The following NDUFB2 variants were observed in gnomAD, a reference collection of about 807,000 sequenced individuals.
NDUFB2 encodes the protein NADH dehydrogenase [ubiquinone] 1 beta subcomplex subunit 2, mitochondrial.
A neutral mutation model predicts 13.4 loss-of-function variants in NDUFB2; 13 were observed. The ratio of observed to expected loss-of-function variants is 0.97; its 90% CI spans 0.63 to 1.54. The LOEUF (loss-of-function observed/expected upper bound fraction) is 1.54. NDUFB2 is among the 40% of genes most tolerant of loss of function. The pLI is 0.00. For synonymous variants in NDUFB2, 47 were observed against 50.6 expected (o/e 0.93, Z 0.30); for missense variants, 150 against 139.7 (o/e 1.07, Z -0.37).
At chr7:140,706,028 AGTT>A (rs1563216316) in intron 3 of NDUFB2, 1 of 130,808 alleles carries the variant, frequency 7.6e-6, no homozygotes, top group African/African-American at 4.1e-5. Flanking sequence ...ATTTTATTTT[AGTT>A]TGTTATGTTA....
intron 1 of NDUFB2, chr7:140,702,033 T>C (rs1321782884): frequency 2.8e-6 from 2 of 702,318 alleles, no homozygotes; most frequent in Admixed American, 2.0e-5. Flanking sequence ...AGACAAGATA[T>C]TTTAATGCAC....
rs1408276792 is a variant in NDUFB2, at chr7:140,698,223, C to T, written c.98+1381C>T. 3 of 1,351,778 alleles carry T rather than the reference C, an allele frequency of 2.2e-6. No individual in the cohort carries two copies. The African/African-American group carries it at 4.4e-5, about 20-fold the overall frequency. The allele number at this position is 1,351,778 out of a possible 1,614,324, so 83.7% of individuals were successfully genotyped here. A position where few individuals can be genotyped will look rare whatever the true frequency, so the allele number is the denominator to read the frequency against. ...GTGATGGAGAGCCATGAGCGACAGCCCTTGGTCCTGCATGAGGAGATGGGG... is the reference window on the plus strand; with the variant it reads ...GTGATGGAGAGCCATGAGCGACAGCTCTTGGTCCTGCATGAGGAGATGGGG... On this transcript the variant is annotated intron_variant, in intron 1 of 3. Transcript: ENST00000247866.
At chr7:140,697,982 G>C in intron 1 of NDUFB2, 1 of 1,286,916 alleles carries the variant, frequency 7.8e-7, no homozygotes, top group Non-Finnish European at 1.0e-6. Flanking sequence ...ATACAGGCGA[G>C]CCACTGCGCT....
At chr7:140,697,009 C>T (rs915109020) in intron 1 of NDUFB2, 167 bp downstream of exon 1, 1 of 650,532 alleles carries the variant, frequency 1.5e-6, no homozygotes, top group Non-Finnish European at 2.7e-6. Context: ...AGAGGGACCC[C>T]GCTGGCCGGA....
chr7:140,698,032 C>T, intron 1 of NDUFB2: 1 of 1,292,508 alleles, frequency 7.7e-7, no homozygotes, highest in African/African-American at 1.5e-5. Context: ...CTGGTGCCTG[C>T]TAAGGACCGT....
At chr7:140,697,750 A>G (rs1431634999) in intron 1 of NDUFB2, among the ~76,000 whole-genome samples, 1 of 152,116 alleles carries the variant, frequency 6.6e-6, no homozygotes, top group Non-Finnish European at 1.5e-5. Flanking sequence ...ACCTTGGAAA[A>G]GTTTCTTATT....
rs1321671360 is a variant in NDUFB2 at position 140,696,729 on chromosome 7, G to C, written c.-16G>C. The stretch of plus-strand genomic sequence containing the variant: ...GGGCGAGGCGGCTGGGGACCGCGGG[G>C]CGGACGGGAGCGAGTATGTCCGCTC... On this transcript the variant is annotated 5_prime_UTR_variant, in exon 1 of 4. Transcript: ENST00000247866. 1.9e-6 allele frequency: 3 copies of C among 1,572,924 alleles called. No individual in the cohort carries two copies. The highest frequency in any genetic ancestry group is 2.4e-5 in the East Asian group (1 of 42,216).
At chr7:140,696,864 G>A in intron 1 of NDUFB2, 22 bp downstream of exon 1, 3 of 1,584,348 alleles carry the variant, frequency 1.9e-6, no homozygotes, top group Non-Finnish European at 2.6e-6. Flanking sequence ...GCTGGGGATG[G>A]GGGCCTCGCC....
chr7:140,697,478 C>A (rs1225592987), intron 1 of NDUFB2: 3 of 693,750 alleles, frequency 4.3e-6, no homozygotes, highest in Non-Finnish European at 7.9e-6. Context: ...CGAGGTGGCC[C>A]GAGACGCAGA....
At chr7:140,698,365 A>G in intron 1 of NDUFB2, 7 of 1,300,798 alleles carry the variant, frequency 5.4e-6, no homozygotes, top group Non-Finnish European at 7.1e-6. Flanking sequence ...GCTCCTTTCT[A>G]GGTGCTGAGG....
chr7:140,697,729 C>G (rs1296830847), intron 1 of NDUFB2, among the ~76,000 whole-genome samples: 1 of 152,198 alleles, frequency 6.6e-6, no homozygotes, highest in Non-Finnish European at 1.5e-5. Flanking sequence ...CTGCCACACT[C>G]CAGCTGTGGG....
chr7:140,705,265 A>G (rs1398127260), intron 3 of NDUFB2: 2 of 177,456 alleles, frequency 1.1e-5, no homozygotes, highest in Non-Finnish European at 2.3e-5. Flanking sequence ...ACACTTGGCT[A>G]ATTTTTGTAT....
Position 140,701,867 on chromosome 7 carries a change from C to G in NDUFB2, c.99-999C>G, listed in dbSNP as rs997768826. ...AGGAGGATCGCTTGAACCCAGGAGG[C>G]GGAGGTTGCAGTGAGCCAAGATTGT... On this transcript the variant is annotated intron_variant, in intron 1 of 3. Transcript: ENST00000247866. The G allele has an allele frequency of 1.7e-5, 8 of 472,322 alleles. 1 individual carries two copies. Among genetic ancestry groups the G allele is most frequent in the Admixed American group, 1.1e-4 (3 of 27,148 alleles). 29.3% of individuals were successfully genotyped at this position (472,322 alleles called of 1,614,324 possible).
chr7:140,702,845 C>T (rs757917891), intron 1 of NDUFB2, 21 bp from the exon 2 acceptor site: 14 of 1,613,054 alleles, frequency 8.7e-6, no homozygotes, highest in Non-Finnish European at 1.2e-5. Flanking sequence ...ACGCTGTCTG[C>T]CATGTTGTTT....
At chr7:140,704,811 A>G in intron 2 of NDUFB2, 49 bp from the exon 3 acceptor site, 2 of 1,293,334 alleles carry the variant, frequency 1.5e-6, no homozygotes, top group South Asian at 2.8e-5. Flanking sequence ...AATTAGTTGC[A>G]CAGAATGTAA....
At chr7:140,698,334 T>C in intron 1 of NDUFB2, 2 of 1,347,998 alleles carry the variant, frequency 1.5e-6, no homozygotes, top group Non-Finnish European at 2.0e-6. Context: ...TAAATGTTTA[T>C]GGAGCATCTT....
chr7:140,701,779 A>C (rs770000782), intron 1 of NDUFB2: 67 of 308,356 alleles, frequency 2.2e-4, no homozygotes, highest in African/African-American at 2.6e-4. Context: ...CTAAAAAAAA[A>C]ACAAAAATTA....
At chr7:140,702,146 C>G in intron 1 of NDUFB2, 1 of 650,104 alleles carries the variant, frequency 1.5e-6, no homozygotes, top group Non-Finnish European at 2.8e-6. Context: ...TATAGGAATT[C>G]TCTTAAAAAT....
Position 140,696,843 on chromosome 7 carries a change from G to C in NDUFB2, c.98+1G>C. 6.2e-7 allele frequency: 1 copy of C among 1,602,212 alleles called. No individual in the cohort carries two copies. On this transcript the variant is annotated splice_donor_variant, in intron 1 of 3. Transcript: ENST00000247866. LOFTEE classifies it high-confidence loss of function. ...CTGCTGGAGATGGTGGAGTCCGTCA[G>C]TGAGTGTGGGGCTGGGGATGGGGGC...
Sources: gnomAD v4.1 joint callset for allele counts (sites outside exome capture counted in the v4.1 genomes callset) on GRCh38, gnomAD v4.1.1 for gene constraint, MANE v1.5 for transcripts, NCBI Gene and HGNC (gene_info 2026-07-23, HGNC 2026-07-21) for gene names.